ENTPD7: variants seen among roughly 807,000 people sequenced by gnomAD.
The protein encoded by ENTPD7 is ectonucleoside triphosphate diphosphohydrolase 7.
In ENTPD7, 53 loss-of-function variants were observed where a neutral mutation model predicts 77.9. The ratio of observed to expected loss-of-function variants is 0.68; its 90% CI spans 0.55 to 0.85. ENTPD7 has a LOEUF of 0.85. Ranked by LOEUF, ENTPD7 falls within the 40% of genes least tolerant of loss-of-function variation. ENTPD7 has a pLI of 0.00. For missense variants in ENTPD7, 636 were observed against 743.7 expected (o/e 0.86, Z 1.68); for synonymous variants, 248 against 274.9 (o/e 0.90, Z 0.97).
intron 3 of ENTPD7, among the ~76,000 whole-genome samples, chr10:99,670,838 T>C (rs1009921697): frequency 6.6e-6 from 1 of 151,922 alleles, no homozygotes; most frequent in Non-Finnish European, 1.5e-5. Flanking sequence ...AATAACATGG[T>C]GAAACCTCAT....
chr10:99,696,307 T>C (rs533453559), intron 9 of ENTPD7, among the ~76,000 whole-genome samples, 185 bp downstream of exon 9: 2 of 152,348 alleles, frequency 1.3e-5, no homozygotes, highest in African/African-American at 4.8e-5. Context: ...TGAGGGTGCA[T>C]TCTGATCTTT....
chr10:99,710,045 C>T lies in ENTPD7; in HGVS notation c.*5362C>T. 1 of 985,402 alleles carries T rather than the reference C, an allele frequency of 1.0e-6. No homozygotes were observed. Among genetic ancestry groups the T allele is most frequent in the Non-Finnish European group, 1.2e-6 (1 of 829,926 alleles). 61.0% of individuals were successfully genotyped at this position (985,402 alleles called of 1,614,324 possible). On this transcript the variant is annotated 3_prime_UTR_variant, in exon 13 of 13. Coordinates refer to ENST00000370489, the MANE Select transcript of ENTPD7 (RefSeq NM_020354.5). ...CTGAATCACAGGCTATGTATAGCCA[C>T]ACATGCATGACTTCAGGCTAGCATA...
rs1397961514 is a variant in ENTPD7 at position 99,710,058 on chromosome 10, T to G, written c.*5375T>G. 1 of 985,306 alleles carries G rather than the reference T, an allele frequency of 1.0e-6. No homozygotes were observed. The highest frequency in any genetic ancestry group is 1.2e-6 in the Non-Finnish European group (1 of 829,932). 61.0% of individuals were successfully genotyped at this position (985,306 alleles called of 1,614,324 possible). ...TATGTATAGCCACACATGCATGACT[T>G]CAGGCTAGCATAAAGACATGTCTGC... On this transcript the variant is annotated 3_prime_UTR_variant, in exon 13 of 13. Coordinates refer to ENST00000370489, the MANE Select transcript of ENTPD7 (RefSeq NM_020354.5).
Position 99,702,658 on chromosome 10 carries a change from G to T in ENTPD7, c.1568G>T (p.Arg523Leu). Reference sequence around the variant, plus strand: ...CTGGGAGCCATTCTATATAAAACACGATTCTTACCACTCAGGTAAAGTAAG... The same window carrying T: ...CTGGGAGCCATTCTATATAAAACACTATTCTTACCACTCAGGTAAAGTAAG... ...WTLGAILYKTRFLPLRDLRQE... is the reference protein window; with the variant it reads ...WTLGAILYKTLFLPLRDLRQE... Residue 523 changes from arginine (R) to leucine (L), a missense_variant, in exon 12 of 13, where the codon CGA becomes CTA. By Grantham distance (102) the Arg-to-Leu change is moderately radical. Coordinates refer to ENST00000370489, the MANE Select transcript of ENTPD7 (RefSeq NM_020354.5). 6.2e-7 allele frequency: 1 copy of T among 1,611,002 alleles called. No individual in the cohort carries two copies. Among genetic ancestry groups the T allele is most frequent in the South Asian group, 1.1e-5 (1 of 90,402 alleles).
intron 2 of ENTPD7, among the ~76,000 whole-genome samples, chr10:99,661,218 T>G (rs2035481375): frequency 6.6e-6 from 1 of 152,198 alleles, no homozygotes; most frequent in Non-Finnish European, 1.5e-5. Flanking sequence ...ATTAAGTCTT[T>G]GAATTGCACT....
rs146153304 is a variant in ENTPD7 at position 99,684,460 on chromosome 10, A to G, written c.549-1332A>G. Among the ~76,000 whole-genome samples the G allele has an allele frequency of 2.0e-4, 30 of 152,322 alleles. No homozygotes were observed. The East Asian group carries it at 2.7e-3, about 14-fold the overall frequency. On this transcript the variant is annotated intron_variant, in intron 5 of 12. Transcript: ENST00000370489. ...TTTGAGGAGTTTAGAAGCATATCCAATAGGGACAGAAGAATACCCCTTCTT... is the reference window on the plus strand; with the variant it reads ...TTTGAGGAGTTTAGAAGCATATCCAGTAGGGACAGAAGAATACCCCTTCTT...
intron 7 of ENTPD7, among the ~76,000 whole-genome samples, chr10:99,690,618 C>T (rs2035869752): frequency 6.6e-6 from 1 of 151,194 alleles, no homozygotes; most frequent in Non-Finnish European, 1.5e-5. Context: ...TCTCGGCTCA[C>T]TACAACCTCC....
intron 8 of ENTPD7, among the ~76,000 whole-genome samples, chr10:99,692,548 G>C (rs1482152561): frequency 2.7e-5 from 4 of 148,148 alleles, no homozygotes; most frequent in African/African-American, 1.0e-4. Flanking sequence ...TTTTTGCAGA[G>C]TGGAGGCTGA....
intron 11 of ENTPD7, among the ~76,000 whole-genome samples, chr10:99,701,465 T>C (rs2036125614): frequency 6.6e-6 from 1 of 151,762 alleles, no homozygotes; most frequent in East Asian, 2.0e-4. Flanking sequence ...TTTTTGTATT[T>C]TTTTGTAGAG....
chr10:99,693,778 C>A (rs770179601), intron 8 of ENTPD7, among the ~76,000 whole-genome samples: 6 of 152,046 alleles, frequency 3.9e-5, no homozygotes, highest in Non-Finnish European at 8.8e-5. Flanking sequence ...ATTAGCTGGG[C>A]AGGGTGGGCA....
At chr10:99,680,298 C>T (rs1021875182) in intron 5 of ENTPD7, among the ~76,000 whole-genome samples, 17 of 152,154 alleles carry the variant, frequency 1.1e-4, no homozygotes, top group African/African-American at 3.4e-4. Context: ...GCTCAGTCTC[C>T]ATTGCCTTAG....
chr10:99,691,584 C>T (rs2035884848), intron 8 of ENTPD7, 66 bp downstream of exon 8: 1 of 1,578,898 alleles, frequency 6.3e-7, no homozygotes, highest in Non-Finnish European at 8.6e-7. Context: ...AGGACACTGT[C>T]TTTGGACTTA....
chr10:99,663,535 C>T (rs1187579117), intron 3 of ENTPD7, among the ~76,000 whole-genome samples: 1 of 151,712 alleles, frequency 6.6e-6, no homozygotes, highest in African/African-American at 2.4e-5. Context: ...TCATAGCCCG[C>T]TGCAGCCTCA....
In ENTPD7 at chr10:99,659,851, A is replaced by C; in HGVS notation, c.-95-11A>C. ...TCAGTCGGACAGAAGCCTGAAATCAAATCTTTCTAGGCTGCAGACGTAGGA... is the reference window on the plus strand; with the variant it reads ...TCAGTCGGACAGAAGCCTGAAATCACATCTTTCTAGGCTGCAGACGTAGGA... On this transcript the variant is annotated splice_polypyrimidine_tract_variant and intron_variant, in intron 1 of 12. Coordinates refer to ENST00000370489, the MANE Select transcript of ENTPD7 (RefSeq NM_020354.5). This position sits in a 1 kb window ranked among gnomAD's most constrained non-coding sequence, Gnocchi z 4.1. 2 of 1,530,418 alleles carry C rather than the reference A, an allele frequency of 1.3e-6. No homozygotes were observed. Among genetic ancestry groups the C allele is most frequent in the Non-Finnish European group, 1.8e-6 (2 of 1,114,926 alleles). 94.8% of individuals were successfully genotyped at this position (1,530,418 alleles called of 1,614,324 possible). A position where few individuals can be genotyped will look rare whatever the true frequency, so the allele number is the denominator to read the frequency against.
chr10:99,671,085 G>A (rs2035614702), intron 3 of ENTPD7, among the ~76,000 whole-genome samples: 1 of 152,042 alleles, frequency 6.6e-6, no homozygotes, highest in Non-Finnish European at 1.5e-5. Context: ...CATCAATGGA[G>A]CTCACAGAAC....
rs2036244217 is a variant in ENTPD7, at chr10:99,706,024, A to G, written c.*1341A>G. The G allele has an allele frequency of 1.3e-5, 2 of 152,142 alleles. No individual in the cohort carries two copies. The highest frequency in any genetic ancestry group is 4.1e-4 in the South Asian group (2 of 4,826). 9.4% of individuals were successfully genotyped at this position (152,142 alleles called of 1,614,324 possible). On this transcript the variant is annotated 3_prime_UTR_variant, in exon 13 of 13. Coordinates refer to ENST00000370489, the MANE Select transcript of ENTPD7 (RefSeq NM_020354.5). ...TGTAGCCTTGAATGTCCTTTCCACG[A>G]ATATGCTCCCACGGCTGGGAGCATT...
In ENTPD7 at chr10:99,670,089, A is replaced by G. The variant is rs192660664; in HGVS notation, c.191+8461A>G. Among the ~76,000 whole-genome samples, 32 of 152,300 alleles carry G rather than the reference A, an allele frequency of 2.1e-4. No individual in the cohort carries two copies. In the East Asian group the frequency reaches 4.8e-3, roughly 23 times the overall value. ...ATCAACTATTTTTCTGGCATGTGCC[A>G]CATAAGACATGCTCCAATATTTTCT... is the stretch of plus-strand genomic sequence containing the variant. On this transcript the variant is annotated intron_variant, in intron 3 of 12. Transcript: ENST00000370489.
intron 7 of ENTPD7, among the ~76,000 whole-genome samples, chr10:99,690,857 G>A (rs1468611919): frequency 6.6e-6 from 1 of 152,124 alleles, no homozygotes; most frequent in African/African-American, 2.4e-5. Context: ...CTGCGATGTA[G>A]CTTAAGATAT....
In ENTPD7 at chr10:99,700,972, G is replaced by A; in HGVS notation, c.1336-1G>A. Reference sequence around the variant, plus strand: ...GCACTATTTCTCTGTGGTTGATCCAGGATTACTGTGGCATGGCTTGGTCGG... The same window carrying A: ...GCACTATTTCTCTGTGGTTGATCCAAGATTACTGTGGCATGGCTTGGTCGG... On this transcript the variant is annotated splice_acceptor_variant, in intron 10 of 12. Coordinates refer to ENST00000370489, the MANE Select transcript of ENTPD7 (RefSeq NM_020354.5). LOFTEE classifies it high-confidence loss of function. 2 of 1,613,754 alleles carry A rather than the reference G, an allele frequency of 1.2e-6. No individual in the cohort carries two copies. The highest frequency in any genetic ancestry group is 1.7e-6 in the Non-Finnish European group (2 of 1,179,722).
Sources: allele counts gnomAD v4.1 joint callset (sites outside exome capture counted in the v4.1 genomes callset), GRCh38; gene constraint gnomAD v4.1.1; non-coding constraint Gnocchi (gnomAD v3.1); transcripts MANE v1.5; gene names NCBI Gene and HGNC (gene_info 2026-07-23, HGNC 2026-07-21).